HCK: variants seen among roughly 807,000 people sequenced by gnomAD.
HCK encodes tyrosine-protein kinase HCK.
A neutral mutation model predicts 70.4 loss-of-function variants in HCK; 40 were observed. The observed-to-expected ratio is 0.57, with a 90% CI of 0.44 to 0.74. The LOEUF (loss-of-function observed/expected upper bound fraction) is 0.74. HCK is among the 30% of genes least tolerant of loss of function. The probability of loss-of-function intolerance (pLI) is 0.00; values close to 1 mark genes in which losing one functional copy is unlikely to be tolerated. For synonymous variants in HCK, 245 were observed against 263.2 expected (o/e 0.93, Z 0.67); for missense variants, 568 against 697.2 (o/e 0.81, Z 2.09).
intron 3 of HCK, 92 bp from the exon 4 acceptor site, chr20:32,073,624 G>A (rs1481044647): frequency 2.5e-6 from 2 of 808,720 alleles, no homozygotes; most frequent in Non-Finnish European, 4.2e-6. Flanking sequence ...ATATCGATGG[G>A]TGCGGAGCTG....
At chr20:32,069,929 A>G (rs2045513731) in intron 1 of HCK, among the ~76,000 whole-genome samples, 1 of 152,236 alleles carries the variant, frequency 6.6e-6, no homozygotes, top group Non-Finnish European at 1.5e-5. Context: ...TGAGAAAAGC[A>G]AGCACTTCCT....
In HCK at chr20:32,094,700, AAAAGAAAAGAAAGAAAGAAAG is replaced by A. The variant is rs1242341712; in HGVS notation, c.1246+692_1246+712del. On this transcript the variant is annotated intron_variant, in intron 11 of 12. Coordinates refer to ENST00000375852, the MANE Select transcript of HCK (RefSeq NM_002110.5). ...AGATCTTGTCAAAAGAAAAGAAAAGAAAAGAAAAGAAAGAAAGAAAGAAAGAAAGAAAGAAAGAAAGAAAGA... is the reference window on the plus strand; with the variant it reads ...AGATCTTGTCAAAAGAAAAGAAAAGAAAAGAAAGAAAGAAAGAAAGAAAGA... Among the ~76,000 whole-genome samples, 271 of 90,712 alleles carry A rather than the reference AAAAGAAAAGAAAGAAAGAAAG, an allele frequency of 3.0e-3. 1 individual carries two copies. Among genetic ancestry groups the A allele is most frequent in the Non-Finnish European group, 4.4e-3 (205 of 46,272 alleles). The allele number at this position is 90,712 out of a possible 152,430, so 59.5% of individuals were successfully genotyped here.
chr20:32,069,749 G>A, intron 1 of HCK: 1 of 1,277,444 alleles, frequency 7.8e-7, no homozygotes, highest in Non-Finnish European at 1.0e-6. Context: ...CCCACCAGAA[G>A]AGGTAAATCC....
intron 11 of HCK, among the ~76,000 whole-genome samples, chr20:32,097,734 C>G (rs1465799892): frequency 1.3e-5 from 2 of 152,068 alleles, no homozygotes; most frequent in Non-Finnish European, 2.9e-5. Context: ...CACACACACA[C>G]TCTCACACAC....
chr20:32,073,222 G>T, intron 2 of HCK, 97 bp from the exon 3 acceptor site: 1 of 1,008,096 alleles, frequency 9.9e-7, no homozygotes, highest in South Asian at 1.4e-5. Context: ...TGCAGGGCTA[G>T]GGTAAGATGC....
chr20:32,059,056 C>T (rs563385310), intron 1 of HCK, among the ~76,000 whole-genome samples: 13 of 152,178 alleles, frequency 8.5e-5, no homozygotes, highest in Non-Finnish European at 1.6e-4. Context: ...ATGAAGGTGC[C>T]GGCAGCTGGA....
intron 5 of HCK, among the ~76,000 whole-genome samples, chr20:32,075,333 A>G (rs1271521815): frequency 6.6e-6 from 1 of 152,038 alleles, no homozygotes; most frequent in African/African-American, 2.4e-5. Context: ...AGCTGGGACT[A>G]CAAGTGCGCA....
chr20:32,083,595 T>C (rs565346030), intron 6 of HCK, among the ~76,000 whole-genome samples: 88 of 152,368 alleles, frequency 5.8e-4, no homozygotes, highest in African/African-American at 2.0e-3. Context: ...TTACTTCTTT[T>C]AGCCGTCAGG....
chr20:32,077,096 T>C (rs974301836), intron 5 of HCK, among the ~76,000 whole-genome samples: 3 of 151,772 alleles, frequency 2.0e-5, no homozygotes, highest in Admixed American at 6.6e-5. Context: ...AAAATAATAA[T>C]AAAAATAACA....
At chr20:32,078,334 C>T (rs173355) in intron 5 of HCK, among the ~76,000 whole-genome samples, 40,615 of 151,450 alleles carry the variant, frequency 0.27, 5,791 homozygotes, top group African/African-American at 0.33. Context: ...TGTGAGCCAC[C>T]GCGCCCAGCC....
At chr20:32,060,452 A>G (rs1478522555) in intron 1 of HCK, among the ~76,000 whole-genome samples, 7 of 152,076 alleles carry the variant, frequency 4.6e-5, no homozygotes, top group Non-Finnish European at 7.4e-5. Context: ...AACTCCTGAC[A>G]TCAGGTGATC....
At chr20:32,093,099 C>T (rs1447678381) in intron 10 of HCK, among the ~76,000 whole-genome samples, 3 of 152,162 alleles carry the variant, frequency 2.0e-5, no homozygotes, top group Admixed American at 2.0e-4. Flanking sequence ...CGTGCACCAC[C>T]ATGCTCATCT....
intron 10 of HCK, 30 bp from the exon 11 acceptor site, chr20:32,093,833 A>G (rs1330418179): frequency 5.6e-6 from 9 of 1,594,324 alleles, no homozygotes; most frequent in Non-Finnish European, 7.7e-6. Context: ...GCCAGGTCTG[A>G]GGACAAAGGT....
chr20:32,092,483 A>G (rs568298863), intron 10 of HCK, among the ~76,000 whole-genome samples: 1 of 152,310 alleles, frequency 6.6e-6, no homozygotes, highest in South Asian at 2.1e-4. Context: ...TGTTTTCATC[A>G]GAGGCTTCTA....
At chr20:32,079,963 G>C in intron 6 of HCK, 86 bp downstream of exon 6, 1 of 1,038,774 alleles carries the variant, frequency 9.6e-7, no homozygotes, top group South Asian at 1.3e-5. Flanking sequence ...AAAATGCCCT[G>C]GGAAAGGCTG....
At chr20:32,097,253 C>T (rs2045969065) in intron 11 of HCK, among the ~76,000 whole-genome samples, 1 of 151,822 alleles carries the variant, frequency 6.6e-6, no homozygotes, top group Non-Finnish European at 1.5e-5. Context: ...GCACTCCAGC[C>T]TGTGTAACAG....
At chr20:32,096,649 G>A (rs1468407717) in intron 11 of HCK, among the ~76,000 whole-genome samples, 1 of 151,952 alleles carries the variant, frequency 6.6e-6, no homozygotes, top group African/African-American at 2.4e-5. Context: ...CTACAGATAC[G>A]TGCTACCATG....
chr20:32,053,637 CAAAAAAAAAAA>C (rs1160849578), intron 1 of HCK, among the ~76,000 whole-genome samples: 1 of 60,796 alleles, frequency 1.6e-5, no homozygotes, highest in African/African-American at 6.0e-5. Flanking sequence ...GACTCTGTCT[CAAAAAAAAAAA>C]AAAAAAAAAA....
At chr20:32,084,624 G>C (rs2045757309) in intron 8 of HCK, 81 bp downstream of exon 8, 2 of 1,332,208 alleles carry the variant, frequency 1.5e-6, no homozygotes, top group Admixed American at 2.2e-5. Flanking sequence ...ACACCTTATG[G>C]CAAAGCGGGA....
Sources: gnomAD v4.1 joint callset for allele counts (sites outside exome capture counted in the v4.1 genomes callset) on GRCh38, gnomAD v4.1.1 for gene constraint, MANE v1.5 for transcripts, NCBI Gene and HGNC (gene_info 2026-07-23, HGNC 2026-07-21) for gene names.